ESRRG: variants seen among roughly 807,000 people sequenced by gnomAD.
The protein encoded by ESRRG is estrogen related receptor gamma.
A neutral mutation model predicts 44.0 loss-of-function variants in ESRRG; 13 were observed. The ratio of observed to expected loss-of-function variants is 0.30; its 90% CI spans 0.19 to 0.47. The LOEUF is 0.47. Among genes scored for constraint, ESRRG ranks in the 20% least tolerant of loss-of-function variants. The pLI is 1.00. For missense variants in ESRRG, 395 were observed against 580.6 expected (o/e 0.68, Z 3.29); for synonymous variants, 215 against 214.6 (o/e 1.00, Z -0.02).
intron 2 of ESRRG, among the ~76,000 whole-genome samples, chr1:216,825,934 C>T (rs1387865826): frequency 1.3e-5 from 2 of 152,278 alleles, no homozygotes; most frequent in African/African-American, 2.4e-5. Flanking sequence ...AACCTCCCAA[C>T]CAATGAAGTC....
intron 1 of ESRRG, among the ~76,000 whole-genome samples, chr1:217,121,398 A>T (rs1048971313): frequency 2.0e-5 from 3 of 152,184 alleles, no homozygotes; most frequent in African/African-American, 7.2e-5. Context: ...AATGATGATC[A>T]GATTTGCATT....
At chr1:217,126,459 C>T (rs777786283) in intron 1 of ESRRG, among the ~76,000 whole-genome samples, 1 of 152,122 alleles carries the variant, frequency 6.6e-6, no homozygotes, top group East Asian at 1.9e-4. Context: ...GCTGTATACA[C>T]CCATGCCATA....
chr1:216,700,173 C>T lies in ESRRG; in HGVS notation c.57-22682G>A, dbSNP rs78064283. On this transcript the variant is annotated intron_variant, in intron 1 of 6. Transcript: ENST00000408911. Reference sequence around the variant, plus strand: ...TTAGATACCTCGCTTAACTATTAAGCGGGGAGTCTTGCAAAGTTGTTGCTT... The same window carrying T: ...TTAGATACCTCGCTTAACTATTAAGTGGGGAGTCTTGCAAAGTTGTTGCTT... Among the ~76,000 whole-genome samples the T allele has an allele frequency of 1.2e-4, 18 of 151,204 alleles. No individual in the cohort carries two copies. In the East Asian group the frequency reaches 3.1e-3, roughly 26 times the overall value.
At chr1:216,936,129 T>C (rs1335688680) in intron 2 of ESRRG, among the ~76,000 whole-genome samples, 2 of 151,894 alleles carry the variant, frequency 1.3e-5, no homozygotes, top group Non-Finnish European at 2.9e-5. Flanking sequence ...AACAGGAAAT[T>C]CCAAGGGATA....
chr1:216,549,075 A>G (rs1422874893), intron 5 of ESRRG, among the ~76,000 whole-genome samples: 2 of 152,132 alleles, frequency 1.3e-5, no homozygotes, highest in African/African-American at 4.8e-5. Context: ...CTCAATGACT[A>G]TTTCAAGTGC....
intron 1 of ESRRG, among the ~76,000 whole-genome samples, chr1:217,021,067 C>CAT (rs890801722): frequency 6.6e-6 from 1 of 151,498 alleles, no homozygotes; most frequent in Non-Finnish European, 1.5e-5. Flanking sequence ...CACACACACA[C>CAT]ACACACACAT....
At chr1:217,130,392 C>CTGGCTAATT in intron 1 of ESRRG, among the ~76,000 whole-genome samples, 1 of 152,128 alleles carries the variant, frequency 6.6e-6, no homozygotes, top group South Asian at 2.1e-4. Flanking sequence ...ACCACCATGC[C>CTGGCTAATT]TGGCTAATTT....
intron 2 of ESRRG, among the ~76,000 whole-genome samples, chr1:216,751,241 T>A (rs569330376): frequency 6.6e-6 from 1 of 152,250 alleles, no homozygotes; most frequent in African/African-American, 2.4e-5. Context: ...TGACTTCAGC[T>A]ATAGCTAGAT....
intron 1 of ESRRG, among the ~76,000 whole-genome samples, chr1:217,079,462 G>A (rs2091573437): frequency 1.3e-5 from 2 of 152,160 alleles, no homozygotes; most frequent in Non-Finnish European, 2.9e-5. Flanking sequence ...TATCCAAGGT[G>A]TTTGCTTTTC....
chr1:216,524,717 A>G (rs2047112881), intron 5 of ESRRG, among the ~76,000 whole-genome samples: 2 of 152,238 alleles, frequency 1.3e-5, no homozygotes, highest in African/African-American at 4.8e-5. Context: ...GATTTTATGG[A>G]ACTATTATTT....
intron 2 of ESRRG, among the ~76,000 whole-genome samples, chr1:216,731,387 A>G (rs375212030): frequency 1.8e-4 from 28 of 152,358 alleles, no homozygotes; most frequent in African/African-American, 6.7e-4. Context: ...GGAATTAATC[A>G]GCAGAAAAAG....
chr1:216,910,200 A>G (rs549628670), intron 2 of ESRRG, among the ~76,000 whole-genome samples: 1 of 151,960 alleles, frequency 6.6e-6, no homozygotes, highest in African/African-American at 2.4e-5. Context: ...AAAATGAAAA[A>G]GTTTGGCTGA....
At chr1:216,523,512 T>G (rs987766935) in intron 5 of ESRRG, among the ~76,000 whole-genome samples, 3 of 151,652 alleles carry the variant, frequency 2.0e-5, no homozygotes, top group East Asian at 1.9e-4. Context: ...GTTTTTTTTT[T>G]TTTTTAGCCT....
chr1:216,560,264 T>C (rs1029083863), intron 5 of ESRRG, among the ~76,000 whole-genome samples: 1 of 152,122 alleles, frequency 6.6e-6, no homozygotes, highest in African/African-American at 2.4e-5. Flanking sequence ...AATTGAAAAA[T>C]GTAACTGAGG....
At chr1:216,622,934 G>T (rs1225156732) in intron 3 of ESRRG, among the ~76,000 whole-genome samples, 2 of 152,050 alleles carry the variant, frequency 1.3e-5, no homozygotes, top group Non-Finnish European at 2.9e-5. Flanking sequence ...ACCATGTGAA[G>T]TAAGCTAAAC....
At chr1:216,591,288 C>T (rs1420048959) in intron 3 of ESRRG, among the ~76,000 whole-genome samples, 3 of 152,190 alleles carry the variant, frequency 2.0e-5, no homozygotes, top group African/African-American at 7.2e-5. Context: ...CACCACCTAA[C>T]AGATGGAGCT....
At chr1:216,940,934 T>C (rs2065125301) in intron 1 of ESRRG, among the ~76,000 whole-genome samples, 1 of 152,198 alleles carries the variant, frequency 6.6e-6, no homozygotes, top group East Asian at 1.9e-4. Flanking sequence ...TTTAAAATAA[T>C]TTCTTGCATA....
chr1:216,882,474 A>AG (rs2096461248), intron 2 of ESRRG, among the ~76,000 whole-genome samples: 2 of 152,226 alleles, frequency 1.3e-5, no homozygotes, highest in South Asian at 4.1e-4. Flanking sequence ...CCTAGAATAT[A>AG]CTCAACAACA....
At chr1:216,903,614 G>A (rs2059348138) in intron 2 of ESRRG, among the ~76,000 whole-genome samples, 1 of 151,948 alleles carries the variant, frequency 6.6e-6, no homozygotes, top group Admixed American at 6.6e-5. Context: ...GGTCCCTGCT[G>A]GCCTATATAC....
Sources: gnomAD v4.1 joint callset for allele counts (sites outside exome capture counted in the v4.1 genomes callset) on GRCh38, gnomAD v4.1.1 for gene constraint, MANE v1.5 for transcripts, NCBI Gene and HGNC (gene_info 2026-07-23, HGNC 2026-07-21) for gene names.